The following DMRT1 variants were observed in gnomAD, a reference collection of about 807,000 sequenced individuals.
The protein encoded by DMRT1 is doublesex- and mab-3-related transcription factor 1.
DMRT1 carries 7 observed loss-of-function variants against 32.3 expected under a neutral mutation model. That is an observed-to-expected ratio of 0.22 (90% confidence interval 0.12 to 0.41). The LOEUF (loss-of-function observed/expected upper bound fraction) is 0.41. Among genes scored for constraint, DMRT1 ranks in the 10% least tolerant of loss-of-function variants. DMRT1 has a pLI of 1.00. For missense variants in DMRT1, 625 were observed against 500.5 expected (o/e 1.25, Z -2.37); for synonymous variants, 278 against 206.1 (o/e 1.35, Z -2.99).
chr9:898,450 A>T (rs1343182327), intron 3 of DMRT1, among the ~76,000 whole-genome samples: 1 of 152,094 alleles, frequency 6.6e-6, no homozygotes, highest in Non-Finnish European at 1.5e-5. Context: ...AGGAACAGAG[A>T]TCTGGATGGC....
intron 2 of DMRT1, among the ~76,000 whole-genome samples, chr9:849,979 T>A (rs1308602303): frequency 1.3e-5 from 2 of 152,162 alleles, no homozygotes; most frequent in East Asian, 3.9e-4. Context: ...ATGCGCTATC[T>A]GGCTAATTTT....
At chr9:894,266 TACAC>T in intron 3 of DMRT1, 71 bp downstream of exon 3, 1 of 1,528,982 alleles carries the variant, frequency 6.5e-7, no homozygotes, top group Non-Finnish European at 9.0e-7. Flanking sequence ...CACATGCACA[TACAC>T]ACAGAGGCAC....
rs560787805 is a variant in DMRT1 at position 869,577 on chromosome 9, C to T, written c.538+22434C>T. Among the ~76,000 whole-genome samples the T allele has an allele frequency of 6.7e-4, 102 of 152,296 alleles. 1 individual carries two copies. Among genetic ancestry groups the T allele is most frequent in the South Asian group, 6.0e-3 (29 of 4,818 alleles). ...TAATGATTTGACTCTGGCCATATTT[C>T]TCCCAAGGTCTCCTATCTCGGTTAC... On this transcript the variant is annotated intron_variant, in intron 2 of 4. Coordinates refer to ENST00000382276, the MANE Select transcript of DMRT1 (RefSeq NM_021951.3).
intron 1 of DMRT1, among the ~76,000 whole-genome samples, chr9:844,623 G>A (rs1268199999): frequency 1.3e-5 from 2 of 151,728 alleles, no homozygotes; most frequent in Admixed American, 6.6e-5. Context: ...TTTTGGCTAT[G>A]AGGAAAATTA....
At chr9:917,190 A>G (rs1021878960) in intron 4 of DMRT1, among the ~76,000 whole-genome samples, 4 of 152,186 alleles carry the variant, frequency 2.6e-5, no homozygotes, top group African/African-American at 9.7e-5. Flanking sequence ...TGGAGGATCA[A>G]TATGAAATAC....
intron 4 of DMRT1, among the ~76,000 whole-genome samples, chr9:923,840 A>G (rs1818433167): frequency 6.6e-6 from 1 of 152,220 alleles, no homozygotes; most frequent in African/African-American, 2.4e-5. Context: ...TAAACTTGAC[A>G]TTTTAGAAAC....
intron 4 of DMRT1, among the ~76,000 whole-genome samples, chr9:956,880 A>C (rs1819618904): frequency 1.3e-5 from 2 of 152,192 alleles, no homozygotes; most frequent in Admixed American, 6.5e-5. Flanking sequence ...GCCCCTTAAG[A>C]AAGTCTACAA....
chr9:904,363 G>A (rs927177793), intron 3 of DMRT1, among the ~76,000 whole-genome samples: 6 of 152,040 alleles, frequency 3.9e-5, no homozygotes, highest in African/African-American at 1.5e-4. Flanking sequence ...AGATTTCTTA[G>A]GAGTCTATAT....
intron 2 of DMRT1, among the ~76,000 whole-genome samples, chr9:882,620 AG>A (rs899818533): frequency 1.8e-4 from 27 of 152,046 alleles, no homozygotes; most frequent in African/African-American, 5.8e-4. Flanking sequence ...CAGTAGCCCC[AG>A]GGCAGCCTGT....
intron 3 of DMRT1, among the ~76,000 whole-genome samples, chr9:913,761 G>A (rs1299690425): frequency 6.6e-6 from 1 of 152,020 alleles, no homozygotes; most frequent in Non-Finnish European, 1.5e-5. Context: ...GACGTGGTGG[G>A]GCATGTCTGT....
At chr9:903,402 G>C (rs1817661081) in intron 3 of DMRT1, among the ~76,000 whole-genome samples, 1 of 152,196 alleles carries the variant, frequency 6.6e-6, no homozygotes, top group African/African-American at 2.4e-5. Flanking sequence ...CTGATGACAA[G>C]TGATGATCGT....
chr9:870,562 C>G (rs934393916), intron 2 of DMRT1, among the ~76,000 whole-genome samples: 2 of 152,228 alleles, frequency 1.3e-5, no homozygotes, highest in African/African-American at 2.4e-5. Flanking sequence ...ATTGTAGTCT[C>G]TTCTCAGAAG....
At chr9:847,741 T>G (rs1016327850) in intron 2 of DMRT1, among the ~76,000 whole-genome samples, 1 of 152,240 alleles carries the variant, frequency 6.6e-6, no homozygotes, top group African/African-American at 2.4e-5. Context: ...CAAAGCTCAA[T>G]ACTCAATGTG....
chr9:864,199 TC>T (rs1815856627), intron 2 of DMRT1, among the ~76,000 whole-genome samples: 2 of 111,372 alleles, frequency 1.8e-5, no homozygotes, highest in Non-Finnish European at 3.5e-5. Flanking sequence ...AACTTCTTCT[TC>T]TTCTTTTTTT....
At chr9:929,394 G>A (rs2129847546) in intron 4 of DMRT1, among the ~76,000 whole-genome samples, 1 of 152,202 alleles carries the variant, frequency 6.6e-6, no homozygotes, top group East Asian at 1.9e-4. Context: ...AGCCTCCAGA[G>A]TATCATTTTT....
chr9:941,303 A>G (rs1229745783), intron 4 of DMRT1, among the ~76,000 whole-genome samples: 2 of 150,812 alleles, frequency 1.3e-5, no homozygotes, highest in African/African-American at 4.9e-5. Flanking sequence ...TGGCGCATGC[A>G]TGAGCGTGTG....
chr9:928,676 G>A (rs1252048098), intron 4 of DMRT1, among the ~76,000 whole-genome samples: 1 of 152,002 alleles, frequency 6.6e-6, no homozygotes, highest in African/African-American at 2.4e-5. Flanking sequence ...GGGTGGGTCG[G>A]CCCAACATGT....
chr9:880,369 A>G lies in DMRT1; in HGVS notation c.539-13543A>G, dbSNP rs75344696. Reference sequence around the variant, plus strand: ...GGGTGTCTTTAGCAAAATCAACATAACATTTTTTTAAAGTTTTAACATTTT... The same window carrying G: ...GGGTGTCTTTAGCAAAATCAACATAGCATTTTTTTAAAGTTTTAACATTTT... On this transcript the variant is annotated intron_variant, in intron 2 of 4. Coordinates refer to ENST00000382276, the MANE Select transcript of DMRT1 (RefSeq NM_021951.3). Among the ~76,000 whole-genome samples, 552 of 152,308 alleles carry G rather than the reference A, an allele frequency of 3.6e-3. 1 individual carries two copies. Among genetic ancestry groups the G allele is most frequent in the Non-Finnish European group, 6.0e-3 (410 of 68,014 alleles).
At chr9:917,042 G>C in intron 4 of DMRT1, 135 bp downstream of exon 4, 1 of 972,720 alleles carries the variant, frequency 1.0e-6, no homozygotes, top group Non-Finnish European at 1.6e-6. Context: ...GCTTGGATAA[G>C]TATCCTTTAA....
Sources: gnomAD v4.1 joint callset for allele counts (sites outside exome capture counted in the v4.1 genomes callset) on GRCh38, gnomAD v4.1.1 for gene constraint, MANE v1.5 for transcripts, NCBI Gene and HGNC (gene_info 2026-07-23, HGNC 2026-07-21) for gene names.